ST8SIA4: variants seen among roughly 807,000 people sequenced by gnomAD.
ST8SIA4 encodes ST8 alpha-N-acetyl-neuraminide alpha-2,8-sialyltransferase 4.
In ST8SIA4, 15 loss-of-function variants were observed where a neutral mutation model predicts 33.9. The observed-to-expected ratio is 0.44, with a 90% CI of 0.30 to 0.68. ST8SIA4 has a LOEUF of 0.68. ST8SIA4 is among the 30% of genes least tolerant of loss of function. The probability of loss-of-function intolerance (pLI) is 0.10; values close to 1 mark genes in which losing one functional copy is unlikely to be tolerated. For missense variants in ST8SIA4, 321 were observed against 428.0 expected, an observed-to-expected ratio of 0.75 and a Z score of 2.21; for synonymous variants, 171 against 151.2, an observed-to-expected ratio of 1.13 and a Z score of -0.96.
chr5:100,863,429 A>T (rs897425711), intron 3 of ST8SIA4, among the ~76,000 whole-genome samples: 1 of 152,228 alleles, frequency 6.6e-6, no homozygotes, highest in African/African-American at 2.4e-5. Flanking sequence ...AAGACTCTTT[A>T]CAATAAAACC....
intron 4 of ST8SIA4, among the ~76,000 whole-genome samples, chr5:100,819,682 A>G (rs553221305): frequency 1.3e-5 from 2 of 152,332 alleles, no homozygotes; most frequent in South Asian, 2.1e-4. Context: ...AATTTAAAAA[A>G]TTACTTAGAA....
intron 4 of ST8SIA4, among the ~76,000 whole-genome samples, chr5:100,812,417 A>C (rs2112393513): frequency 6.6e-6 from 1 of 152,234 alleles, no homozygotes; most frequent in African/African-American, 2.4e-5. Flanking sequence ...AATAATAGCA[A>C]ACATTTATAT....
intron 4 of ST8SIA4, among the ~76,000 whole-genome samples, chr5:100,832,960 A>T (rs1751291995): frequency 6.6e-6 from 1 of 152,146 alleles, no homozygotes; most frequent in Admixed American, 6.5e-5. Context: ...CCCTGAGGAA[A>T]GTAATTCTTC....
chr5:100,885,557 AT>A lies in ST8SIA4; in HGVS notation c.503+785del. 3.2e-6 allele frequency: 3 copies of A among 925,784 alleles called. No homozygotes were observed. The South Asian group carries it at 1.5e-4, about 46-fold the overall frequency. The allele number at this position is 925,784 out of a possible 1,614,324, so 57.3% of individuals were successfully genotyped here. A position where few individuals can be genotyped will look rare whatever the true frequency, so the allele number is the denominator to read the frequency against. ...TTTCTATCTATCTTTATATTGTACT[AT>A]TTCATATTTCAATATCCATGTTTCT... On this transcript the variant is annotated intron_variant, in intron 3 of 4. Coordinates refer to ENST00000231461, the MANE Select transcript of ST8SIA4 (RefSeq NM_005668.6).
chr5:100,856,521 A>T (rs867446534), intron 3 of ST8SIA4, 125 bp from the exon 4 acceptor site: 1 of 868,140 alleles, frequency 1.2e-6, no homozygotes, highest in Admixed American at 2.9e-5. Context: ...AAACCAAAAG[A>T]TCATCTACTT....
intron 3 of ST8SIA4, among the ~76,000 whole-genome samples, chr5:100,866,491 T>C (rs1306546053): frequency 6.6e-6 from 1 of 151,628 alleles, no homozygotes; most frequent in African/African-American, 2.4e-5. Context: ...ATGTGAAAAA[T>C]TTACTTCAAT....
chr5:100,807,741 C>G lies in ST8SIA4; in HGVS notation c.*4106G>C, dbSNP rs1750723872. On this transcript the variant is annotated 3_prime_UTR_variant, in exon 5 of 5. Transcript: ENST00000231461. ...CTTATCTCCAGGGGAGTTCACAGTG[C>G]AGACCCTGAAGATGTTAGCATAACA... The G allele has an allele frequency of 6.6e-6, 1 of 152,504 alleles. No individual in the cohort carries two copies. The highest frequency in any genetic ancestry group is 1.5e-5 in the Non-Finnish European group (1 of 67,958). The allele number at this position is 152,504 out of a possible 1,614,324, so 9.4% of individuals were successfully genotyped here.
At chr5:100,855,653 T>G (rs1418210829) in intron 4 of ST8SIA4, among the ~76,000 whole-genome samples, 2 of 152,210 alleles carry the variant, frequency 1.3e-5, no homozygotes, top group Admixed American at 6.5e-5. Context: ...TAAGGCATTT[T>G]ATCGCAGCCA....
At chr5:100,842,481 C>A (rs942916393) in intron 4 of ST8SIA4, among the ~76,000 whole-genome samples, 5 of 151,692 alleles carry the variant, frequency 3.3e-5, no homozygotes, top group African/African-American at 1.2e-4. Context: ...GAAGCAAAAA[C>A]AAAGCTGAAA....
chr5:100,822,864 A>G lies in ST8SIA4; in HGVS notation c.798-10735T>C, dbSNP rs545416590. Among the ~76,000 whole-genome samples, 17 of 152,178 alleles carry G rather than the reference A, an allele frequency of 1.1e-4. No homozygotes were observed. The South Asian group carries it at 1.9e-3, about 17-fold the overall frequency. On this transcript the variant is annotated intron_variant, in intron 4 of 4. Transcript: ENST00000231461. ...GCAATAAAGAAACCAGGCGAAACTC[A>G]CCAAAACCTGTAATCCCAGCACTTT... is the stretch of plus-strand genomic sequence containing the variant.
chr5:100,871,172 T>TG (rs984373354), intron 3 of ST8SIA4, among the ~76,000 whole-genome samples: 1 of 152,022 alleles, frequency 6.6e-6, no homozygotes, highest in Non-Finnish European at 1.5e-5. Context: ...ATATTTTTTT[T>TG]CTGTTCCAGA....
chr5:100,864,645 A>C (rs908279405), intron 3 of ST8SIA4, among the ~76,000 whole-genome samples: 3 of 150,786 alleles, frequency 2.0e-5, no homozygotes, highest in Non-Finnish European at 4.4e-5. Flanking sequence ...TTCAGGTTCT[A>C]CTAATGCGGG....
chr5:100,900,277 C>G (rs1030468377), intron 1 of ST8SIA4: 30 of 374,106 alleles, frequency 8.0e-5, no homozygotes, highest in South Asian at 5.8e-4. Context: ...CCACAAGGCT[C>G]GCAGTGCCCC....
At chr5:100,875,029 A>G (rs557684041) in intron 3 of ST8SIA4, among the ~76,000 whole-genome samples, 80 of 152,330 alleles carry the variant, frequency 5.3e-4, no homozygotes, top group African/African-American at 1.9e-3. Flanking sequence ...AACTTAATAA[A>G]GATTCTATCA....
rs187593692 is a variant in ST8SIA4 at position 100,855,946 on chromosome 5, A to G, written c.797+157T>C. On this transcript the variant is annotated intron_variant, in intron 4 of 4. Transcript: ENST00000231461. Reference sequence around the variant, plus strand: ...TGAGTTAAAATCATATCGTACATAAACAAACTTCAAGTTTGTAAATAGAGT... The same window carrying G: ...TGAGTTAAAATCATATCGTACATAAGCAAACTTCAAGTTTGTAAATAGAGT... 2.4e-3 allele frequency among the ~76,000 whole-genome samples: 367 copies of G among 152,340 alleles called. 3 individuals are homozygous for G. Among genetic ancestry groups the G allele is most frequent in the African/African-American group, 8.7e-3 (360 of 41,580 alleles).
chr5:100,879,829 A>G (rs2112465734), intron 3 of ST8SIA4, among the ~76,000 whole-genome samples: 1 of 152,310 alleles, frequency 6.6e-6, no homozygotes, highest in African/African-American at 2.4e-5. Context: ...CATGAAAGAC[A>G]GAGTAAGACA....
chr5:100,864,344 G>A (rs1561398814), intron 3 of ST8SIA4, among the ~76,000 whole-genome samples: 2 of 152,008 alleles, frequency 1.3e-5, no homozygotes, highest in Admixed American at 6.5e-5. Context: ...GGAGGCCGAG[G>A]TGGCTGGATC....
intron 3 of ST8SIA4, among the ~76,000 whole-genome samples, chr5:100,870,966 A>G (rs1448125633): frequency 6.6e-6 from 1 of 152,124 alleles, no homozygotes; most frequent in Admixed American, 6.6e-5. Context: ...AAGCAATGTT[A>G]CTATTCCTAA....
chr5:100,856,291 T>C lies in ST8SIA4; in HGVS notation c.609A>G (p.Arg203=). The C allele has an allele frequency of 6.2e-7, 1 of 1,614,000 alleles. No individual in the cohort carries two copies. The highest frequency in any genetic ancestry group is 2.2e-5 in the East Asian group (1 of 44,882). The change falls in exon 4 of 5, where the codon CGA becomes CGG. Residue 203 remains arginine, a synonymous_variant. Coordinates refer to ENST00000231461, the MANE Select transcript of ST8SIA4 (RefSeq NM_005668.6). ...SVVQRAFGGF[R]NESDREKFVH... ...CAAATTTTTCTCTGTCACTCTCATT[T>C]CGAAAGCCTCCAAATGCTCTTTGTA...
Sources: allele counts gnomAD v4.1 joint callset (sites outside exome capture counted in the v4.1 genomes callset), GRCh38; gene constraint gnomAD v4.1.1; transcripts MANE v1.5; gene names NCBI Gene and HGNC (gene_info 2026-07-23, HGNC 2026-07-21).